Variants in CYRIB observed in about 807,000 individuals in gnomAD.
The protein encoded by CYRIB is CYFIP related Rac1 interactor B, also known as CYFIP-related Rac1 interactor B.
A neutral mutation model predicts 44.2 loss-of-function variants in CYRIB; 8 were observed. That is an observed-to-expected ratio of 0.18 (90% CI 0.11 to 0.33). CYRIB has a LOEUF of 0.33. CYRIB is among the 10% of genes least tolerant of loss of function. The pLI is 1.00. For missense variants in CYRIB, 185 were observed against 382.8 expected (o/e 0.48, Z 4.31); for synonymous variants, 131 against 127.2 (o/e 1.03, Z -0.20).
At chr8:130,015,670 G>A (rs1203578444) in intron 1 of CYRIB, among the ~76,000 whole-genome samples, 1 of 152,142 alleles carries the variant, frequency 6.6e-6, no homozygotes, top group African/African-American at 2.4e-5. Flanking sequence ...CGTTTCAAAG[G>A]ACACACAGGT....
chr8:130,013,615 C>T (rs1023396440), intron 1 of CYRIB, among the ~76,000 whole-genome samples: 10 of 152,218 alleles, frequency 6.6e-5, no homozygotes, highest in African/African-American at 9.6e-5. Flanking sequence ...CCACATGAAT[C>T]GTGGTCTCTT....
intron 5 of CYRIB, among the ~76,000 whole-genome samples, chr8:129,860,592 G>C (rs146118978): frequency 0.012 from 1,792 of 152,010 alleles, 20 homozygotes; most frequent in Non-Finnish European, 0.018. Flanking sequence ...ACATTTAACA[G>C]GCTGTACTGC....
At chr8:129,899,004 C>T (rs1245421207) in intron 2 of CYRIB, among the ~76,000 whole-genome samples, 1 of 152,066 alleles carries the variant, frequency 6.6e-6, no homozygotes, top group Non-Finnish European at 1.5e-5. Flanking sequence ...GCTGGGATTA[C>T]AGGCATGTGC....
intron 1 of CYRIB, among the ~76,000 whole-genome samples, chr8:129,989,496 C>T (rs551990105): frequency 6.6e-6 from 1 of 152,300 alleles, no homozygotes; most frequent in South Asian, 2.1e-4. Context: ...CACTCTGAGT[C>T]GTTCCCTCTG....
intron 1 of CYRIB, among the ~76,000 whole-genome samples, chr8:130,011,413 C>T (rs551450843): frequency 3.3e-5 from 5 of 152,140 alleles, no homozygotes; most frequent in East Asian, 1.9e-4. Context: ...CCCAGCTACT[C>T]GGGAGGCTGG....
intron 1 of CYRIB, among the ~76,000 whole-genome samples, chr8:130,007,813 G>A (rs1397929529): frequency 6.6e-6 from 1 of 151,810 alleles, no homozygotes; most frequent in African/African-American, 2.4e-5. Flanking sequence ...CAAAGTACAG[G>A]ACACTTGCTC....
intron 2 of CYRIB, among the ~76,000 whole-genome samples, chr8:129,895,016 C>T (rs1439899929): frequency 4.7e-5 from 7 of 149,410 alleles, no homozygotes; most frequent in African/African-American, 1.7e-4. Context: ...CGGCTCACTG[C>T]GACCTCAACC....
intron 1 of CYRIB, among the ~76,000 whole-genome samples, chr8:129,994,269 TG>T (rs397934244): frequency 1.3e-5 from 2 of 150,732 alleles, no homozygotes; most frequent in Non-Finnish European, 3.0e-5. Flanking sequence ...CTCCAGAAGC[TG>T]GGGGGGGTGG....
chr8:129,931,602 A>AATG (rs1355879511), intron 1 of CYRIB, among the ~76,000 whole-genome samples: 17 of 152,144 alleles, frequency 1.1e-4, no homozygotes, highest in African/African-American at 3.6e-4. Context: ...CAATAATAAT[A>AATG]ATATGTGTCG....
intron 1 of CYRIB, among the ~76,000 whole-genome samples, chr8:130,015,350 C>A (rs574487786): frequency 1.3e-5 from 2 of 152,310 alleles, no homozygotes; most frequent in South Asian, 4.1e-4. Context: ...TCTATCACTG[C>A]GCCCCCTGCA....
chr8:130,006,607 C>CACACACATATATATGTGTATATAT lies in CYRIB; in HGVS notation c.-296+9762_-296+9763insATATATACACATATATATGTGTGT, dbSNP rs1359122569. ...TAAAAACACAAATTATATATATATA[C>CACACACATATATATGTGTATATAT]ATATATATGTGTATATATATACATA... On this transcript the variant is annotated intron_variant, in intron 1 of 14. Transcript: ENST00000401979. 3.9e-3 allele frequency among the ~76,000 whole-genome samples: 28 copies of CACACACATATATATGTGTATATAT among 7,120 alleles called. 1 individual carries two copies. Among genetic ancestry groups the CACACACATATATATGTGTATATAT allele is most frequent in the East Asian group, 0.017 (5 of 288 alleles). The allele number at this position is 7,120 out of a possible 152,430, so 4.7% of individuals were successfully genotyped here.
chr8:129,954,912 C>T (rs1260602456), intron 2 of CYRIB, among the ~76,000 whole-genome samples: 1 of 152,172 alleles, frequency 6.6e-6, no homozygotes, highest in Admixed American at 6.6e-5. Flanking sequence ...TTGGCCCTTA[C>T]TACACACAAC....
At chr8:129,937,023 T>C (rs375483177) in intron 1 of CYRIB, among the ~76,000 whole-genome samples, 5 of 152,290 alleles carry the variant, frequency 3.3e-5, no homozygotes, top group African/African-American at 9.6e-5. Flanking sequence ...CTTAAAAATA[T>C]ACAAGATACC....
intron 1 of CYRIB, among the ~76,000 whole-genome samples, chr8:129,972,459 C>A (rs2095739521): frequency 6.6e-6 from 1 of 152,114 alleles, no homozygotes; most frequent in Non-Finnish European, 1.5e-5. Flanking sequence ...TGCCTGTAGT[C>A]CCAGCTACTT....
At chr8:129,940,251 C>T (rs972817088), upstream of CYRIB, among the ~76,000 whole-genome samples, 2 of 152,092 alleles carry the variant, frequency 1.3e-5, no homozygotes, top group African/African-American at 4.8e-5. Context: ...GCCATATTCC[C>T]CCCACGCCTG....
chr8:129,899,823 G>A (rs745636261), intron 2 of CYRIB, among the ~76,000 whole-genome samples: 5 of 152,180 alleles, frequency 3.3e-5, no homozygotes, highest in African/African-American at 9.6e-5. Flanking sequence ...GCAGTTGCTG[G>A]GCAGATGTCC....
At chr8:130,016,392 G>T in exon 1 of CYRIB, 1 of 149,420 alleles carries the variant, frequency 6.7e-6, no homozygotes, top group South Asian at 1.9e-4. Context: ...GCGGGCGAGG[G>T]GAGCGCGGCG....
intron 1 of CYRIB, among the ~76,000 whole-genome samples, chr8:129,999,191 C>T (rs2096852028): frequency 6.6e-6 from 1 of 152,158 alleles, no homozygotes; most frequent in Non-Finnish European, 1.5e-5. Flanking sequence ...CCCCAGCTGC[C>T]GCCAAGTAGG....
intron 2 of CYRIB, among the ~76,000 whole-genome samples, chr8:129,897,100 T>TA (rs2068468436): frequency 6.6e-6 from 1 of 152,194 alleles, no homozygotes; most frequent in East Asian, 1.9e-4. Context: ...AATGGCTTTA[T>TA]ATCCCATTAC....
Sources: allele counts gnomAD v4.1 joint callset (sites outside exome capture counted in the v4.1 genomes callset), GRCh38; gene constraint gnomAD v4.1.1; transcripts MANE v1.5; gene names NCBI Gene and HGNC (gene_info 2026-07-23, HGNC 2026-07-21).